SPACA7: variants seen among roughly 807,000 people sequenced by gnomAD.
SPACA7 encodes sperm acrosome associated 7, also known as sperm acrosome-associated protein 7.
Under a neutral mutation model 26.3 loss-of-function variants are expected in SPACA7, and 19 were observed. The observed-to-expected ratio is 0.72, with a 90% CI of 0.50 to 1.06. SPACA7 has a LOEUF of 1.06. SPACA7 is among the 50% of genes least tolerant of loss of function. The pLI is 0.00. For missense variants in SPACA7, 211 were observed against 229.9 expected (o/e 0.92, Z 0.53); for synonymous variants, 84 against 84.5 (o/e 0.99, Z 0.04).
intron 1 of SPACA7, among the ~76,000 whole-genome samples, chr13:112,386,252 C>G (rs1177126122): frequency 6.6e-6 from 1 of 152,182 alleles, no homozygotes; most frequent in East Asian, 1.9e-4. Flanking sequence ...ATCTCTGATC[C>G]AAGTAGGCAA....
Position 112,434,595 on chromosome 13 carries a change from C to T in SPACA7, c.*46C>T, listed in dbSNP as rs1305203945. 2 of 1,478,350 alleles carry T rather than the reference C, an allele frequency of 1.4e-6. No homozygotes were observed. Among genetic ancestry groups the T allele is most frequent in the Non-Finnish European group, 9.3e-7 (1 of 1,077,050 alleles). The allele number at this position is 1,478,350 out of a possible 1,614,324, so 91.6% of individuals were successfully genotyped here. On this transcript the variant is annotated 3_prime_UTR_variant, in exon 7 of 7. Transcript: ENST00000283550. ...TGCGCAGGAGAGGAGCCTGCTAGAA[C>T]CCCCACCCACCAGCCTCCGGAACAG...
At chr13:112,377,987 A>G (rs529280309) in intron 1 of SPACA7, among the ~76,000 whole-genome samples, 22 of 152,336 alleles carry the variant, frequency 1.4e-4, no homozygotes, top group African/African-American at 4.6e-4. Flanking sequence ...CCGATGGGGC[A>G]AGGATGGATT....
intron 1 of SPACA7, among the ~76,000 whole-genome samples, chr13:112,386,201 G>C (rs1363324438): frequency 6.6e-6 from 1 of 152,226 alleles, no homozygotes; most frequent in East Asian, 1.9e-4. Flanking sequence ...GTCAGTGGGG[G>C]TGGGGATGTT....
At chr13:112,414,765 C>A (rs1209515608) in intron 5 of SPACA7, among the ~76,000 whole-genome samples, 2 of 152,134 alleles carry the variant, frequency 1.3e-5, no homozygotes, top group African/African-American at 4.8e-5. Flanking sequence ...TTGTAGAATT[C>A]TCAGTCTTAA....
chr13:112,399,295 C>A, intron 4 of SPACA7, 122 bp downstream of exon 4: 1 of 690,874 alleles, frequency 1.4e-6, no homozygotes, highest in Non-Finnish European at 2.6e-6. Context: ...GGAGAATGTG[C>A]CCACTTCCCC....
At chr13:112,393,750 G>A (rs189448790) in intron 2 of SPACA7, among the ~76,000 whole-genome samples, 65 of 152,246 alleles carry the variant, frequency 4.3e-4, no homozygotes, top group African/African-American at 1.5e-3. Context: ...ACACAGATGA[G>A]GCCAAAGCGG....
chr13:112,379,459 C>CA (rs1278029784), intron 1 of SPACA7, among the ~76,000 whole-genome samples: 21 of 152,270 alleles, frequency 1.4e-4, no homozygotes, highest in African/African-American at 5.1e-4. Context: ...CTGCAATTGA[C>CA]AAGGAAATTT....
intron 2 of SPACA7, among the ~76,000 whole-genome samples, chr13:112,394,824 T>C (rs1885130911): frequency 6.6e-6 from 1 of 152,182 alleles, no homozygotes; most frequent in South Asian, 2.1e-4. Context: ...AACAGTGGCC[T>C]CAGAAAAGGA....
At chr13:112,396,630 A>C (rs1885281301) in intron 2 of SPACA7, among the ~76,000 whole-genome samples, 2 of 152,158 alleles carry the variant, frequency 1.3e-5, no homozygotes, top group South Asian at 4.1e-4. Flanking sequence ...CCCCTATCTC[A>C]CTGGACACCA....
chr13:112,429,765 AT>A (rs1362658054), intron 5 of SPACA7, among the ~76,000 whole-genome samples: 3 of 152,166 alleles, frequency 2.0e-5, no homozygotes, highest in African/African-American at 7.2e-5. Context: ...TTTTGTTTGA[AT>A]GCCAGACATT....
intron 1 of SPACA7, among the ~76,000 whole-genome samples, chr13:112,389,976 A>G (rs1400470356): frequency 1.3e-5 from 2 of 152,226 alleles, no homozygotes. Flanking sequence ...GGATATATCA[A>G]AGCCTTCACT....
At chr13:112,382,498 G>A (rs1317802650) in intron 1 of SPACA7, 1 of 1,550,444 alleles carries the variant, frequency 6.4e-7, no homozygotes, top group East Asian at 2.4e-5. Flanking sequence ...GAATGGGAAT[G>A]AACCCCAAGG....
intron 5 of SPACA7, among the ~76,000 whole-genome samples, chr13:112,420,257 A>C (rs552315855): frequency 2.0e-5 from 3 of 152,294 alleles, no homozygotes; most frequent in Non-Finnish European, 4.4e-5. Flanking sequence ...ACAGAACCAG[A>C]CACAGAGATG....
At chr13:112,379,531 T>C (rs1310328169) in intron 1 of SPACA7, among the ~76,000 whole-genome samples, 1 of 152,198 alleles carries the variant, frequency 6.6e-6, no homozygotes, top group Non-Finnish European at 1.5e-5. Flanking sequence ...CATAACTTTA[T>C]ACCAGGACAT....
At chr13:112,398,955 C>A in intron 3 of SPACA7, 111 bp from the exon 4 acceptor site, 1 of 695,114 alleles carries the variant, frequency 1.4e-6, no homozygotes, top group Admixed American at 2.7e-5. Flanking sequence ...AGCTTGCAAA[C>A]TGTATTAACA....
In SPACA7 at chr13:112,413,301, G is replaced by A. The variant is rs1886469260; in HGVS notation, c.445+12137G>A. Among the ~76,000 whole-genome samples the A allele has an allele frequency of 2.0e-5, 3 of 152,044 alleles. No homozygotes were observed. The East Asian group carries it at 5.8e-4, about 29-fold the overall frequency. ...ATTCTCTCGGCTTTTGTTTGTCTGGGAAAGTATTTCTTTTTCAGGTTTGAA... is the reference window on the plus strand; with the variant it reads ...ATTCTCTCGGCTTTTGTTTGTCTGGAAAAGTATTTCTTTTTCAGGTTTGAA... On this transcript the variant is annotated intron_variant, in intron 5 of 6. Transcript: ENST00000283550.
chr13:112,422,877 A>C (rs1876122255), intron 5 of SPACA7, among the ~76,000 whole-genome samples: 1 of 152,212 alleles, frequency 6.6e-6, no homozygotes, highest in Non-Finnish European at 1.5e-5. Flanking sequence ...TCTTGGAGTT[A>C]AGCAGAACTA....
rs1419970690 is a variant in SPACA7 at position 112,432,442 on chromosome 13, A to G, written c.446-2A>G. On this transcript the variant is annotated splice_acceptor_variant, in intron 5 of 6. Transcript: ENST00000283550. LOFTEE classifies it high-confidence loss of function. ...TCATTGTACTTATTGTTTTCCCCACAGAAAAGAATTCAAAGAACACTCAGT... is the reference window on the plus strand; with the variant it reads ...TCATTGTACTTATTGTTTTCCCCACGGAAAAGAATTCAAAGAACACTCAGT... 2 of 1,603,324 alleles carry G rather than the reference A, an allele frequency of 1.2e-6. No individual in the cohort carries two copies. Among genetic ancestry groups the G allele is most frequent in the Admixed American group, 3.3e-5 (2 of 59,972 alleles).
intron 1 of SPACA7, chr13:112,382,638 A>G: frequency 8.2e-7 from 1 of 1,224,896 alleles, no homozygotes; most frequent in Non-Finnish European, 1.1e-6. Flanking sequence ...AGTAAACAGC[A>G]TACTATAGGT....
Sources: gnomAD v4.1 joint callset for allele counts (sites outside exome capture counted in the v4.1 genomes callset) on GRCh38, gnomAD v4.1.1 for gene constraint, MANE v1.5 for transcripts, NCBI Gene and HGNC (gene_info 2026-07-23, HGNC 2026-07-21) for gene names.